EEPD1: variants seen among roughly 807,000 people sequenced by gnomAD.
The protein encoded by EEPD1 is endonuclease/exonuclease/phosphatase family domain containing 1, also known as endonuclease/exonuclease/phosphatase family domain-containing protein 1.
EEPD1 carries 17 observed loss-of-function variants against 46.3 expected under a neutral mutation model. The ratio of observed to expected loss-of-function variants is 0.37; its 90% CI spans 0.25 to 0.55. The LOEUF is 0.55. Among genes scored for constraint, EEPD1 ranks in the 20% least tolerant of loss-of-function variants. EEPD1 has a pLI of 0.83. For missense variants in EEPD1, 673 were observed against 745.6 expected, an observed-to-expected ratio of 0.90 and a Z score of 1.13; for synonymous variants, 313 against 315.6, an observed-to-expected ratio of 0.99 and a Z score of 0.09.
intron 3 of EEPD1, among the ~76,000 whole-genome samples, chr7:36,261,645 T>C (rs190050649): frequency 2.1e-4 from 32 of 152,372 alleles, no homozygotes; most frequent in African/African-American, 7.5e-4. Context: ...CATTCATTCA[T>C]TTCTGGAGAA....
intron 2 of EEPD1, among the ~76,000 whole-genome samples, chr7:36,156,660 C>T (rs1784829842): frequency 6.6e-6 from 1 of 152,088 alleles, no homozygotes; most frequent in South Asian, 2.1e-4. Flanking sequence ...TGGGACTGAC[C>T]AACCAGGCAG....
At chr7:36,196,490 T>C (rs888758560) in intron 2 of EEPD1, among the ~76,000 whole-genome samples, 2 of 152,194 alleles carry the variant, frequency 1.3e-5, no homozygotes, top group Non-Finnish European at 2.9e-5. Flanking sequence ...TGCTGCCATC[T>C]TGGCTCGCTG....
rs147599790 is a variant in EEPD1 at position 36,225,734 on chromosome 7, G to A, written c.879-13251G>A. Among the ~76,000 whole-genome samples the A allele has an allele frequency of 3.9e-5, 6 of 152,290 alleles. No homozygotes were observed. Among genetic ancestry groups the A allele is most frequent in the African/African-American group, 1.4e-4 (6 of 41,546 alleles). On this transcript the variant is annotated intron_variant, in intron 2 of 7. Transcript: ENST00000242108. The surrounding 1 kb of genome is among the most constrained non-coding windows in gnomAD (Gnocchi z 4.2). ...TAACACCAACCTACGTGTGGAGCCT[G>A]AGAATCTGAAGCATTAAAAGTTCTT...
intron 2 of EEPD1, among the ~76,000 whole-genome samples, chr7:36,169,649 G>A (rs186145693): frequency 6.6e-5 from 10 of 152,040 alleles, no homozygotes; most frequent in Non-Finnish European, 1.0e-4. Flanking sequence ...CCTCTTCCTC[G>A]CCCCTTAGTC....
chr7:36,207,888 G>GT (rs35062290), intron 2 of EEPD1, among the ~76,000 whole-genome samples: 7,529 of 121,982 alleles, frequency 0.062, 268 homozygotes, highest in South Asian at 0.09. Flanking sequence ...CAGTGCAGGA[G>GT]TTTTTTTTTT....
chr7:36,159,368 T>C (rs916491979), intron 2 of EEPD1, among the ~76,000 whole-genome samples: 1 of 151,974 alleles, frequency 6.6e-6, no homozygotes, highest in Non-Finnish European at 1.5e-5. Context: ...CCCTGGGAGG[T>C]TGAAGGGTGG....
rs75306470 is a variant in EEPD1, at chr7:36,174,653, C to T, written c.878+19451C>T. Among the ~76,000 whole-genome samples, 818 of 152,288 alleles carry T rather than the reference C, an allele frequency of 5.4e-3. 8 individuals are homozygous for T. Among genetic ancestry groups the T allele is most frequent in the African/African-American group, 0.018 (751 of 41,544 alleles). On this transcript the variant is annotated intron_variant, in intron 2 of 7. Coordinates refer to ENST00000242108, the MANE Select transcript of EEPD1 (RefSeq NM_030636.3). ...ATGCTGTTTGTCTCCTCCAAGACAC[C>T]GGCCTTCTCTGCCTTCTGATCGCTT...
intron 2 of EEPD1, among the ~76,000 whole-genome samples, chr7:36,166,611 A>T (rs1784986416): frequency 6.6e-6 from 1 of 152,338 alleles, no homozygotes; most frequent in African/African-American, 2.4e-5. Flanking sequence ...CAACCTAGGC[A>T]AGATAAACTG....
chr7:36,291,404 A>G (rs549332691), intron 6 of EEPD1, among the ~76,000 whole-genome samples: 1 of 152,248 alleles, frequency 6.6e-6, no homozygotes, highest in South Asian at 2.1e-4. Context: ...GTGACTTTGG[A>G]CAAACCTTCC....
intron 2 of EEPD1, among the ~76,000 whole-genome samples, chr7:36,177,821 C>T (rs1023908188): frequency 2.0e-5 from 3 of 152,162 alleles, no homozygotes; most frequent in African/African-American, 7.2e-5. Context: ...TCAAGCAATT[C>T]TCCTGCCTCA....
Position 36,298,905 on chromosome 7 carries a change from G to A in EEPD1, c.1511-102G>A, listed in dbSNP as rs567795393. ...CTGAGGCAGCCTCTCCGGGCACCCCGGCCTGCAGACATGCGGTGTGACCCT... is the reference window on the plus strand; with the variant it reads ...CTGAGGCAGCCTCTCCGGGCACCCCAGCCTGCAGACATGCGGTGTGACCCT... On this transcript the variant is annotated intron_variant, in intron 7 of 7. Coordinates refer to ENST00000242108, the MANE Select transcript of EEPD1 (RefSeq NM_030636.3). 47 of 1,391,208 alleles carry A rather than the reference G, an allele frequency of 3.4e-5. 1 individual carries two copies. In the African/African-American group the frequency reaches 3.4e-4, roughly 10 times the overall value. 86.2% of individuals were successfully genotyped at this position (1,391,208 alleles called of 1,614,324 possible).
chr7:36,294,922 A>G (rs921961176), intron 6 of EEPD1, among the ~76,000 whole-genome samples: 3 of 152,184 alleles, frequency 2.0e-5, no homozygotes, highest in Non-Finnish European at 4.4e-5. Flanking sequence ...TCACGCCTAT[A>G]ATCCCAGCAC....
chr7:36,236,966 C>A (rs1020778706), intron 2 of EEPD1, among the ~76,000 whole-genome samples: 2 of 152,246 alleles, frequency 1.3e-5, no homozygotes, highest in African/African-American at 4.8e-5. Context: ...AAGCTTCGTT[C>A]TTTTGCTCTT....
intron 2 of EEPD1, among the ~76,000 whole-genome samples, chr7:36,175,442 G>A (rs1278117107): frequency 6.6e-6 from 1 of 152,012 alleles, no homozygotes; most frequent in Admixed American, 6.6e-5. Flanking sequence ...ATGTTGCCCT[G>A]GCTGGTCTCA....
chr7:36,177,498 T>G (rs1382902285), intron 2 of EEPD1, among the ~76,000 whole-genome samples: 2 of 152,188 alleles, frequency 1.3e-5, no homozygotes, highest in Non-Finnish European at 2.9e-5. Flanking sequence ...AGCTCCCACT[T>G]ATAAGTGAAA....
intron 2 of EEPD1, among the ~76,000 whole-genome samples, chr7:36,236,915 C>G (rs1037196639): frequency 6.6e-6 from 1 of 152,228 alleles, no homozygotes; most frequent in Non-Finnish European, 1.5e-5. Flanking sequence ...GGCCCCCTAG[C>G]CAGCAGGGGC....
rs556513272 is a variant in EEPD1, at chr7:36,300,962, T to C, written c.*1756T>C. On this transcript the variant is annotated 3_prime_UTR_variant, in exon 8 of 8. Transcript: ENST00000242108. The stretch of plus-strand genomic sequence containing the variant: ...TAAAGTCAAGAGGGGCAGCTCAGGA[T>C]GCTACCAGGGAGCACATCGTTTCTG... 2.0e-5 allele frequency: 3 copies of C among 152,384 alleles called. No homozygotes were observed. The highest frequency in any genetic ancestry group is 4.4e-5 in the Non-Finnish European group (3 of 68,068). The allele number at this position is 152,384 out of a possible 1,614,324, so 9.4% of individuals were successfully genotyped here.
chr7:36,270,902 C>A (rs1787092076), intron 3 of EEPD1, among the ~76,000 whole-genome samples: 1 of 152,222 alleles, frequency 6.6e-6, no homozygotes, highest in South Asian at 2.1e-4. Context: ...AATGGTTGAA[C>A]TAATTTACAC....
intron 3 of EEPD1, among the ~76,000 whole-genome samples, chr7:36,271,033 C>T (rs1001885588): frequency 6.6e-6 from 1 of 151,976 alleles, no homozygotes; most frequent in Non-Finnish European, 1.5e-5. Context: ...GTCACCCAGG[C>T]TGGAGTGCAG....
Sources: allele counts gnomAD v4.1 joint callset (sites outside exome capture counted in the v4.1 genomes callset), GRCh38; gene constraint gnomAD v4.1.1; non-coding constraint Gnocchi (gnomAD v3.1); transcripts MANE v1.5; gene names NCBI Gene and HGNC (gene_info 2026-07-23, HGNC 2026-07-21).